LUZP1: variants seen among roughly 807,000 people sequenced by gnomAD.
LUZP1 encodes the protein filamin mechanobinding actin cross-linking protein.
In LUZP1, 25 loss-of-function variants were observed where a neutral mutation model predicts 71.3. That is an observed-to-expected ratio of 0.35 (90% CI 0.26 to 0.49). The LOEUF (loss-of-function observed/expected upper bound fraction) is 0.49. LUZP1 is among the 20% of genes least tolerant of loss of function. The pLI is 0.99. For missense variants in LUZP1, 1,142 were observed against 1,300.8 expected (o/e 0.88, Z 1.88); for synonymous variants, 481 against 506.4 (o/e 0.95, Z 0.67).
chr1:23,122,928 T>C (rs1644141527), intron 2 of LUZP1, among the ~76,000 whole-genome samples: 1 of 152,186 alleles, frequency 6.6e-6, no homozygotes, highest in African/African-American at 2.4e-5. Context: ...CTGCCTTGTG[T>C]AGAACCACAA....
chr1:23,121,317 C>A (rs1337711117), intron 2 of LUZP1, among the ~76,000 whole-genome samples: 1 of 152,192 alleles, frequency 6.6e-6, no homozygotes, highest in Non-Finnish European at 1.5e-5. Context: ...GAGATCACAT[C>A]TTCTAGTTAA....
In LUZP1 at chr1:23,129,293, G is replaced by A. The variant is rs902496088; in HGVS notation, c.-225-20166C>T. 2.6e-5 allele frequency among the ~76,000 whole-genome samples: 4 copies of A among 152,100 alleles called. No homozygotes were observed. The South Asian group carries it at 6.2e-4, about 24-fold the overall frequency. On this transcript the variant is annotated intron_variant, in intron 2 of 4. Transcript: ENST00000302291. ...TATCAAAACCCAGATTATAAAGATG[G>A]CAATGAGGCCAGGCGCGGTGGCTCA...
chr1:23,084,367 C>CATAACTCCAGTTTCT (rs1553133778), exon 5 of LUZP1: 1 of 152,114 alleles, frequency 6.6e-6, no homozygotes, highest in East Asian at 1.9e-4. Flanking sequence ...CCTCAGAGCA[C>CATAACTCCAGTTTCT]ATAACTCCAG....
intron 2 of LUZP1, among the ~76,000 whole-genome samples, chr1:23,147,753 T>C (rs1476114809): frequency 6.6e-6 from 1 of 152,230 alleles, no homozygotes; most frequent in East Asian, 1.9e-4. Flanking sequence ...CCATTTTCCA[T>C]GTAAACAAGT....
intron 1 of LUZP1, among the ~76,000 whole-genome samples, chr1:23,174,314 T>C (rs1425920384): frequency 1.3e-5 from 2 of 152,186 alleles, no homozygotes; most frequent in Admixed American, 1.3e-4. Flanking sequence ...TTTTGTTCTG[T>C]TGGGCCCTCA....
chr1:23,123,429 T>C (rs1321644152), intron 2 of LUZP1, among the ~76,000 whole-genome samples: 1 of 149,672 alleles, frequency 6.7e-6, no homozygotes. Flanking sequence ...GAGGCGGAGG[T>C]TGCAGTGGGC....
intron 1 of LUZP1, among the ~76,000 whole-genome samples, chr1:23,174,534 G>T (rs1322880314): frequency 6.6e-6 from 1 of 152,132 alleles, no homozygotes; most frequent in East Asian, 1.9e-4. Flanking sequence ...ACTGTCCTAT[G>T]CCCCCTCCAC....
At chr1:23,117,476 T>TCC (rs370868213) in intron 2 of LUZP1, among the ~76,000 whole-genome samples, 3 of 39,678 alleles carry the variant, frequency 7.6e-5, no homozygotes, top group Non-Finnish European at 1.2e-4. Flanking sequence ...TCTCTCTCTC[T>TCC]CCCCCCCCCC....
At position 23,175,082 on chromosome 1, in the gene LUZP1, G is replaced by A. The variant is rs1157641057; in HGVS notation, c.-485+2409C>T. Among the ~76,000 whole-genome samples the A allele has an allele frequency of 3.3e-5, 5 of 152,142 alleles. No homozygotes were observed. In the East Asian group the frequency reaches 9.7e-4, roughly 29 times the overall value. On this transcript the variant is annotated intron_variant, in intron 1 of 4. Coordinates refer to ENST00000302291, the Ensembl canonical transcript of LUZP1. ...TATATTGCATATACTATCTCTTAAA[G>A]GTTATAGGGGGTCATTATTGCTATC...
intron 2 of LUZP1, among the ~76,000 whole-genome samples, chr1:23,145,457 A>G (rs2124716953): frequency 6.6e-6 from 1 of 150,608 alleles, no homozygotes; most frequent in Non-Finnish European, 1.5e-5. Flanking sequence ...TGAGGCAGAT[A>G]CTATTAATCT....
Position 23,114,591 on chromosome 1 carries a change from G to GA in LUZP1, c.-225-5465dup, listed in dbSNP as rs562316320. Among the ~76,000 whole-genome samples the GA allele has an allele frequency of 2.5e-3, 379 of 152,300 alleles. 3 individuals are homozygous for GA. Among genetic ancestry groups the GA allele is most frequent in the African/African-American group, 8.3e-3 (345 of 41,570 alleles). ...CAGAACACTCCAGATAAAAGTGGAAGAAAAAACATAAGCTGCAGAAGACAT... is the reference window on the plus strand; with the variant it reads ...CAGAACACTCCAGATAAAAGTGGAAGAAAAAAACATAAGCTGCAGAAGACAT... On this transcript the variant is annotated intron_variant, in intron 2 of 4. Coordinates refer to ENST00000302291, the Ensembl canonical transcript of LUZP1.
At chr1:23,096,518 A>G (rs1303793001) in intron 3 of LUZP1, among the ~76,000 whole-genome samples, 1 of 152,198 alleles carries the variant, frequency 6.6e-6, no homozygotes, top group African/African-American at 2.4e-5. Context: ...AGAAAACTAA[A>G]TCTGCACCTA....
intron 3 of LUZP1, among the ~76,000 whole-genome samples, chr1:23,107,280 T>C (rs1297759585): frequency 6.6e-6 from 1 of 152,250 alleles, no homozygotes; most frequent in East Asian, 1.9e-4. Context: ...TCTTAGCATG[T>C]ACTATCTAGT....
At chr1:23,121,885 G>A (rs190657875) in intron 2 of LUZP1, among the ~76,000 whole-genome samples, 106 of 152,232 alleles carry the variant, frequency 7.0e-4, no homozygotes, top group African/African-American at 2.4e-3. Context: ...GGTGGCGCAC[G>A]CCTGTAATCT....
At chr1:23,091,674 T>C in exon 4 of LUZP1, 1 of 1,614,106 alleles carries the variant, frequency 6.2e-7, no homozygotes, top group Non-Finnish European at 8.5e-7. Context: ...CAGGGGCCCA[T>C]CTGCCATTCT....
At chr1:23,164,752 A>G (rs1644496644) in intron 2 of LUZP1, among the ~76,000 whole-genome samples, 1 of 151,814 alleles carries the variant, frequency 6.6e-6, no homozygotes, top group African/African-American at 2.4e-5. Flanking sequence ...ATTACTTAAA[A>G]CAAGTTAGAG....
intron 2 of LUZP1, among the ~76,000 whole-genome samples, chr1:23,153,100 A>G (rs1042860535): frequency 1.4e-4 from 21 of 152,168 alleles, no homozygotes; most frequent in African/African-American, 4.8e-4. Context: ...GTAAACCTTC[A>G]ATGATTCCCA....
intron 3 of LUZP1, among the ~76,000 whole-genome samples, chr1:23,105,760 A>T (rs554962555): frequency 1.3e-5 from 2 of 152,346 alleles, no homozygotes; most frequent in African/African-American, 4.8e-5. Context: ...ATGTTCAAAA[A>T]CAAAATATAA....
chr1:23,142,700 T>TATACAC (rs1406009401), intron 2 of LUZP1, among the ~76,000 whole-genome samples: 10 of 104,338 alleles, frequency 9.6e-5, no homozygotes, highest in African/African-American at 1.2e-4. Flanking sequence ...TATATATATA[T>TATACAC]ACACACACAC....
Sources: gnomAD v4.1 joint callset for allele counts (sites outside exome capture counted in the v4.1 genomes callset) on GRCh38, gnomAD v4.1.1 for gene constraint, MANE v1.5 for transcripts, NCBI Gene and HGNC (gene_info 2026-07-23, HGNC 2026-07-21) for gene names.